Variants in PEPD observed in about 807,000 individuals in gnomAD.
PEPD encodes peptidase D.
Under a neutral mutation model 60.7 loss-of-function variants are expected in PEPD, and 53 were observed. The ratio of observed to expected loss-of-function variants is 0.87; its 90% CI spans 0.70 to 1.10. The LOEUF (loss-of-function observed/expected upper bound fraction) is 1.10, where lower values mean the gene tolerates loss of function less well. Among genes scored for constraint, PEPD ranks in the 50% least tolerant of loss-of-function variants. PEPD has a pLI of 0.00. For missense variants in PEPD, 711 were observed against 711.9 expected (o/e 1.00, Z 0.01); for synonymous variants, 267 against 284.1 (o/e 0.94, Z 0.60).
chr19:33,501,635 C>A (rs1970716143), intron 3 of PEPD, among the ~76,000 whole-genome samples: 2 of 152,044 alleles, frequency 1.3e-5, no homozygotes, highest in Admixed American at 1.3e-4. Flanking sequence ...CAAGATGGTG[C>A]CACTGCACTC....
chr19:33,511,462 C>T lies in PEPD; in HGVS notation c.202-307G>A, dbSNP rs561873432. 35 of 396,290 alleles carry T rather than the reference C, an allele frequency of 8.8e-5. 2 individuals are homozygous for T. The highest frequency in any genetic ancestry group is 5.8e-4 in the East Asian group (10 of 17,202). The allele number at this position is 396,290 out of a possible 1,614,324, so 24.5% of individuals were successfully genotyped here. ...CAACAGGGCGTCCAGCAGCACCACACGTCCAGCTCAACCCTGCCTCTCTGC... is the reference window on the plus strand; with the variant it reads ...CAACAGGGCGTCCAGCAGCACCACATGTCCAGCTCAACCCTGCCTCTCTGC... On this transcript the variant is annotated intron_variant, in intron 2 of 14. Coordinates refer to ENST00000244137, the MANE Select transcript of PEPD (RefSeq NM_000285.4).
chr19:33,496,352 T>C (rs1970603337), intron 4 of PEPD, among the ~76,000 whole-genome samples: 1 of 152,044 alleles, frequency 6.6e-6, no homozygotes, highest in African/African-American at 2.4e-5. Flanking sequence ...GCTCAGACAA[T>C]CCAGGCCTGA....
At chr19:33,447,788 G>C (rs1373076556) in intron 9 of PEPD, among the ~76,000 whole-genome samples, 1 of 152,150 alleles carries the variant, frequency 6.6e-6, no homozygotes, top group Non-Finnish European at 1.5e-5. Flanking sequence ...GCTCCCTCCT[G>C]GACAGCTGCC....
intron 3 of PEPD, among the ~76,000 whole-genome samples, chr19:33,508,473 C>T (rs1970856187): frequency 6.6e-6 from 1 of 152,262 alleles, no homozygotes; most frequent in Non-Finnish European, 1.5e-5. Flanking sequence ...GCAAAACCAC[C>T]AATCATGTTC....
chr19:33,438,908 T>A (rs1969431076), intron 9 of PEPD, among the ~76,000 whole-genome samples: 1 of 152,212 alleles, frequency 6.6e-6, no homozygotes, highest in Non-Finnish European at 1.5e-5. Context: ...TTAGTAGAGA[T>A]GGGGTTTTGC....
At position 33,521,783 on chromosome 19, in the gene PEPD, G is replaced by A. The variant is rs1971146596; in HGVS notation, c.-23C>T. 4.5e-6 allele frequency: 7 copies of A among 1,565,050 alleles called. No homozygotes were observed. Among genetic ancestry groups the A allele is most frequent in the African/African-American group, 4.0e-5 (3 of 74,114 alleles). ...CATGTTCGCCCGGCACCGGCGTCAC[G>A]TGAAGTGCGGCGTCAGCTGAGCCCC... On this transcript the variant is annotated 5_prime_UTR_variant, in exon 1 of 15. In the 5' UTR this introduces an upstream ATG that the reference lacks. Coordinates refer to ENST00000244137, the MANE Select transcript of PEPD (RefSeq NM_000285.4).
At chr19:33,398,248 C>T (rs978204764) in intron 12 of PEPD, among the ~76,000 whole-genome samples, 3 of 152,240 alleles carry the variant, frequency 2.0e-5, no homozygotes, top group African/African-American at 7.2e-5. Context: ...GGTTGCTGGG[C>T]TTGGTGGGCC....
At chr19:33,499,556 G>A (rs1216956365) in intron 4 of PEPD, among the ~76,000 whole-genome samples, 1 of 152,074 alleles carries the variant, frequency 6.6e-6, no homozygotes, top group African/African-American at 2.4e-5. Context: ...AGAACTGGAC[G>A]TTCAAGACAA....
chr19:33,477,651 C>T (rs1432012640), intron 7 of PEPD, among the ~76,000 whole-genome samples: 1 of 152,188 alleles, frequency 6.6e-6, no homozygotes, highest in African/African-American at 2.4e-5. Context: ...CAGAAGAATG[C>T]GTAGAACAGA....
chr19:33,434,566 TCTC>T (rs1054754894), intron 9 of PEPD, among the ~76,000 whole-genome samples: 3 of 151,554 alleles, frequency 2.0e-5, no homozygotes, highest in African/African-American at 7.3e-5. Context: ...GGAATGGGGT[TCTC>T]CTAATGTCAG....
At chr19:33,463,154 A>G in intron 8 of PEPD, 113 bp from the exon 9 acceptor site, 1 of 784,368 alleles carries the variant, frequency 1.3e-6, no homozygotes, top group Non-Finnish European at 2.3e-6. Context: ...AAGGAAAAAA[A>G]GAATGATATG....
intron 9 of PEPD, among the ~76,000 whole-genome samples, chr19:33,448,885 T>C (rs562616883): frequency 6.6e-6 from 1 of 152,234 alleles, no homozygotes; most frequent in East Asian, 1.9e-4. Context: ...AAAATACCTA[T>C]TGCCTGGGCC....
intron 4 of PEPD, among the ~76,000 whole-genome samples, chr19:33,493,730 C>T (rs1322276145): frequency 6.6e-6 from 1 of 152,152 alleles, no homozygotes; most frequent in Admixed American, 6.5e-5. Context: ...GCCTACCAGC[C>T]TCTGGTTCCT....
intron 12 of PEPD, among the ~76,000 whole-genome samples, chr19:33,401,124 G>T (rs971861331): frequency 1.6e-4 from 25 of 152,300 alleles, no homozygotes; most frequent in African/African-American, 6.0e-4. Context: ...TACGCTGGCC[G>T]CTGGGAGAGA....
rs1335843683 is a variant in PEPD at position 33,441,148 on chromosome 19, GGAT to G, written c.671+21844_671+21846del. ...CTGGAAACGATGTCTGATCCTGAAG[GGAT>G]GATGAGCCTGGTTCTACTATCTCCA... is the stretch of plus-strand genomic sequence containing the variant. On this transcript the variant is annotated intron_variant, in intron 9 of 14. Transcript: ENST00000244137. Among the ~76,000 whole-genome samples, 3 of 152,318 alleles carry G rather than the reference GGAT, an allele frequency of 2.0e-5. No homozygotes were observed. In the East Asian group the frequency reaches 5.8e-4, roughly 29 times the overall value.
chr19:33,449,183 G>A (rs1203073278), intron 9 of PEPD, among the ~76,000 whole-genome samples: 1 of 152,244 alleles, frequency 6.6e-6, no homozygotes, highest in South Asian at 2.1e-4. Flanking sequence ...GAGGTGACTC[G>A]GTACTGTCTG....
chr19:33,467,797 G>A (rs1299156477), intron 7 of PEPD, among the ~76,000 whole-genome samples: 1 of 152,054 alleles, frequency 6.6e-6, no homozygotes, highest in East Asian at 1.9e-4. Context: ...TTAAACCAAG[G>A]GTACATATTG....
Position 33,437,820 on chromosome 19 carries a change from G to A in PEPD, c.672-24177C>T, listed in dbSNP as rs147816151. On this transcript the variant is annotated intron_variant, in intron 9 of 14. Transcript: ENST00000244137. The stretch of plus-strand genomic sequence containing the variant: ...TGATTTCCAAAGGCACGCCCCGACC[G>A]TGCAGTTCAGGCCATTTTTCTCAAC... 8.1e-4 allele frequency among the ~76,000 whole-genome samples: 123 copies of A among 152,252 alleles called. 1 individual carries two copies. The highest frequency in any genetic ancestry group is 2.7e-3 in the African/African-American group (114 of 41,552).
chr19:33,443,358 G>A (rs1969522298), intron 9 of PEPD, among the ~76,000 whole-genome samples: 1 of 152,090 alleles, frequency 6.6e-6, no homozygotes, highest in Non-Finnish European at 1.5e-5. Flanking sequence ...TCCACTTTGG[G>A]GAGAATGTGA....
Sources: gnomAD v4.1 joint callset for allele counts (sites outside exome capture counted in the v4.1 genomes callset) on GRCh38, gnomAD v4.1.1 for gene constraint, MANE v1.5 for transcripts, NCBI Gene and HGNC (gene_info 2026-07-23, HGNC 2026-07-21) for gene names.